SEZ6L: variants seen among roughly 807,000 people sequenced by gnomAD.
SEZ6L encodes seizure 6-like protein.
SEZ6L carries 37 observed loss-of-function variants against 106.2 expected under a neutral mutation model. That is an observed-to-expected ratio of 0.35 (90% CI 0.27 to 0.46). SEZ6L has a LOEUF of 0.46. Among genes scored for constraint, SEZ6L ranks in the 20% least tolerant of loss-of-function variants. The pLI, the probability that SEZ6L is intolerant of heterozygous loss-of-function variation, is 1.00. For synonymous variants in SEZ6L, 541 were observed against 570.4 expected, an observed-to-expected ratio of 0.95 and a Z score of 0.73; for missense variants, 1,172 against 1,332.8, an observed-to-expected ratio of 0.88 and a Z score of 1.88.
intron 11 of SEZ6L, among the ~76,000 whole-genome samples, chr22:26,348,812 A>AGGG (rs2083170153): frequency 1.9e-4 from 2 of 10,642 alleles, no homozygotes; most frequent in Non-Finnish European, 1.4e-4. Context: ...AGGGAAGGGG[A>AGGG]GAGAAGAGAG....
chr22:26,340,479 G>A lies in SEZ6L; in HGVS notation c.2059G>A (p.Asp687Asn), dbSNP rs201856091. The A allele has an allele frequency of 6.5e-5, 105 of 1,614,000 alleles. No individual in the cohort carries two copies. The highest frequency in any genetic ancestry group is 4.0e-4 in the East Asian group (18 of 44,884). Residue 687 changes from aspartate (D) to asparagine (N), a missense_variant, in exon 10 of 17, where the codon GAC (aspartate) becomes AAC (asparagine). Transcript: ENST00000248933. The stretch of plus-strand genomic sequence containing the variant: ...TGACATCTTGACCATCTACGATGGC[G>A]ACGAGGTCATGCCCCACATCTTGGG... ...NSDILTIYDG[D>N]EVMPHILGQY...
chr22:26,190,651 G>A (rs1387528000), intron 1 of SEZ6L, among the ~76,000 whole-genome samples: 3 of 152,074 alleles, frequency 2.0e-5, no homozygotes, highest in Non-Finnish European at 4.4e-5. Context: ...TGAACAAGTC[G>A]CTGAGGCTGG....
At chr22:26,302,089 T>C (rs1390583745) in intron 5 of SEZ6L, among the ~76,000 whole-genome samples, 1 of 152,208 alleles carries the variant, frequency 6.6e-6, no homozygotes, top group Non-Finnish European at 1.5e-5. Context: ...ATTACCACTT[T>C]CATAGGCAAA....
At chr22:26,309,387 G>T (rs1411212162) in intron 6 of SEZ6L, among the ~76,000 whole-genome samples, 1 of 152,174 alleles carries the variant, frequency 6.6e-6, no homozygotes, top group Non-Finnish European at 1.5e-5. Flanking sequence ...TTATGGTTGG[G>T]TCTCTCCTTT....
intron 6 of SEZ6L, among the ~76,000 whole-genome samples, chr22:26,307,145 G>A (rs2081656706): frequency 6.6e-6 from 1 of 152,190 alleles, no homozygotes; most frequent in Admixed American, 6.5e-5. Flanking sequence ...GGAAGGGTGA[G>A]GGAGCTAGGG....
intron 9 of SEZ6L, among the ~76,000 whole-genome samples, chr22:26,317,916 G>T (rs1442736721): frequency 6.6e-6 from 1 of 152,078 alleles, no homozygotes; most frequent in East Asian, 1.9e-4. Flanking sequence ...TGAATCAAGG[G>T]TAGTTGCAAA....
chr22:26,227,926 C>T (rs1282060883), intron 1 of SEZ6L, among the ~76,000 whole-genome samples: 3 of 152,180 alleles, frequency 2.0e-5, no homozygotes, highest in East Asian at 1.9e-4. Flanking sequence ...TCTGTAAAAA[C>T]GTGCCAATGG....
intron 11 of SEZ6L, among the ~76,000 whole-genome samples, chr22:26,349,311 G>C (rs1055743175): frequency 1.3e-5 from 2 of 152,178 alleles, no homozygotes; most frequent in African/African-American, 2.4e-5. Flanking sequence ...TTAATCTCCT[G>C]TCTTGACATT....
At chr22:26,301,096 G>C (rs141136893) in intron 5 of SEZ6L, among the ~76,000 whole-genome samples, 1 of 152,208 alleles carries the variant, frequency 6.6e-6, no homozygotes, top group African/African-American at 2.4e-5. Flanking sequence ...AATGCCATAG[G>C]ATGGGAGCCA....
intron 1 of SEZ6L, among the ~76,000 whole-genome samples, chr22:26,219,789 G>A (rs1480648862): frequency 1.3e-5 from 2 of 152,076 alleles, no homozygotes; most frequent in East Asian, 3.8e-4. Context: ...CACACACCAA[G>A]GCCTGTTGAG....
chr22:26,262,196 T>C (rs2080030488), intron 1 of SEZ6L, among the ~76,000 whole-genome samples: 1 of 149,608 alleles, frequency 6.7e-6, no homozygotes. Flanking sequence ...TATATTTATA[T>C]TGATATATAA....
At chr22:26,351,943 G>A (rs889462774) in intron 12 of SEZ6L, among the ~76,000 whole-genome samples, 4 of 151,998 alleles carry the variant, frequency 2.6e-5, no homozygotes, top group East Asian at 1.9e-4. Context: ...CAAACCACTC[G>A]AGCCCAAGAG....
intron 16 of SEZ6L, among the ~76,000 whole-genome samples, chr22:26,378,982 C>G (rs2084324263): frequency 6.6e-6 from 1 of 152,162 alleles, no homozygotes; most frequent in African/African-American, 2.4e-5. Flanking sequence ...AGTCAGGAAG[C>G]CAGGCACAGC....
chr22:26,272,356 G>T (rs1435417842), intron 1 of SEZ6L, among the ~76,000 whole-genome samples: 8 of 152,190 alleles, frequency 5.3e-5, no homozygotes, highest in Admixed American at 5.2e-4. Flanking sequence ...AGGACCATGT[G>T]ACTCTAAATA....
Position 26,236,480 on chromosome 22 carries a change from T to C in SEZ6L, c.95-55926T>C, listed in dbSNP as rs893982589. Among the ~76,000 whole-genome samples the C allele has an allele frequency of 3.3e-5, 5 of 152,328 alleles. No homozygotes were observed. In the East Asian group the frequency reaches 9.6e-4, roughly 29 times the overall value. Reference sequence around the variant, plus strand: ...GTCGATCTCTCTGGGAAGGTAAGTTTTTAAAATACTGGGTATGGAAACAGG... The same window carrying C: ...GTCGATCTCTCTGGGAAGGTAAGTTCTTAAAATACTGGGTATGGAAACAGG... On this transcript the variant is annotated intron_variant, in intron 1 of 16. Coordinates refer to ENST00000248933, the MANE Select transcript of SEZ6L (RefSeq NM_021115.5).
chr22:26,247,591 T>C (rs1159195507), intron 1 of SEZ6L, among the ~76,000 whole-genome samples: 1 of 152,084 alleles, frequency 6.6e-6, no homozygotes, highest in East Asian at 1.9e-4. Flanking sequence ...GGGGCCACCA[T>C]ACTGAAAGAC....
At chr22:26,245,372 AGGGGTGC>A (rs2079299947) in intron 1 of SEZ6L, among the ~76,000 whole-genome samples, 1 of 152,162 alleles carries the variant, frequency 6.6e-6, no homozygotes, top group Non-Finnish European at 1.5e-5. Context: ...CGGCTGGAAC[AGGGGTGC>A]AGGCTCCCAG....
chr22:26,321,376 G>A (rs1441180363), intron 9 of SEZ6L, among the ~76,000 whole-genome samples: 1 of 152,212 alleles, frequency 6.6e-6, no homozygotes. Context: ...GGCGGTGAAT[G>A]CGACTCAGCA....
At chr22:26,310,971 C>A (rs1414013734) in intron 7 of SEZ6L, 135 bp downstream of exon 7, 1 of 814,342 alleles carries the variant, frequency 1.2e-6, no homozygotes, top group Non-Finnish European at 1.9e-6. Flanking sequence ...CTTTGGTTTC[C>A]AAAGACAGGC....
Sources: gnomAD v4.1 joint callset for allele counts (sites outside exome capture counted in the v4.1 genomes callset) on GRCh38, gnomAD v4.1.1 for gene constraint, MANE v1.5 for transcripts, NCBI Gene and HGNC (gene_info 2026-07-23, HGNC 2026-07-21) for gene names.